FNDC3B: variants seen among roughly 807,000 people sequenced by gnomAD.
FNDC3B encodes fibronectin type III domain-containing protein 3B.
In FNDC3B, 12 loss-of-function variants were observed where a neutral mutation model predicts 151.5. The ratio of observed to expected loss-of-function variants is 0.08; its 90% confidence interval spans 0.05 to 0.13. The LOEUF is 0.13. Among genes scored for constraint, FNDC3B ranks in the 10% least tolerant of loss-of-function variants. The probability of loss-of-function intolerance (pLI) is 1.00; values close to 1 mark genes in which losing one functional copy is unlikely to be tolerated. For missense variants in FNDC3B, 1,214 were observed against 1,505.3 expected (o/e 0.81, Z 3.20); for synonymous variants, 528 against 549.0 (o/e 0.96, Z 0.54).
chr3:172,085,389 G>A (rs1718498089), intron 1 of FNDC3B, among the ~76,000 whole-genome samples: 1 of 152,094 alleles, frequency 6.6e-6, no homozygotes, highest in East Asian at 1.9e-4. Context: ...GGTTAGTGAA[G>A]GTCTTGAACT....
intron 2 of FNDC3B, among the ~76,000 whole-genome samples, chr3:172,128,926 C>G (rs191345822): frequency 1.1e-4 from 16 of 152,270 alleles, no homozygotes; most frequent in Admixed American, 8.5e-4. Context: ...AAAAATGCTG[C>G]AAGTGTACTA....
intron 6 of FNDC3B, among the ~76,000 whole-genome samples, chr3:172,270,317 C>T (rs1420793497): frequency 6.6e-6 from 1 of 152,152 alleles, no homozygotes; most frequent in African/African-American, 2.4e-5. Context: ...TTTATTAAAA[C>T]CCCCATGTTT....
At chr3:172,260,589 T>G (rs1427244097) in intron 6 of FNDC3B, among the ~76,000 whole-genome samples, 1 of 152,192 alleles carries the variant, frequency 6.6e-6, no homozygotes, top group East Asian at 1.9e-4. Flanking sequence ...TGTGGGCCAT[T>G]TTATTATAAC....
intron 3 of FNDC3B, among the ~76,000 whole-genome samples, chr3:172,202,542 C>T (rs1009922788): frequency 6.6e-6 from 1 of 152,152 alleles, no homozygotes; most frequent in African/African-American, 2.4e-5. Flanking sequence ...TCAACTAACA[C>T]CCCCTTGTAA....
chr3:172,130,636 A>G lies in FNDC3B; in HGVS notation c.112-2835A>G, dbSNP rs143209628. ...GAACTGTTACAGACACTTTTTGTGC[A>G]ATATGATAAGCAGATAATGTGACGA... On this transcript the variant is annotated intron_variant, in intron 2 of 25. Coordinates refer to ENST00000415807, the MANE Select transcript of FNDC3B (RefSeq NM_022763.4). Among the ~76,000 whole-genome samples the G allele has an allele frequency of 1.1e-4, 17 of 152,338 alleles. No homozygotes were observed. In the East Asian group the frequency reaches 3.3e-3, roughly 29 times the overall value.
rs765143559 is a variant in FNDC3B, at chr3:172,347,383, G to A, written c.2514+22G>A. On this transcript the variant is annotated intron_variant, in intron 21 of 25. Coordinates refer to ENST00000415807, the MANE Select transcript of FNDC3B (RefSeq NM_022763.4). ...ACAGGTAGGTTGACATTATTCAGAT[G>A]TTACTCACAAGGACTGCTGTCCCAT... 1.4e-5 allele frequency: 23 copies of A among 1,596,544 alleles called. No homozygotes were observed. In the African/African-American group the frequency reaches 1.6e-4, roughly 11 times the overall value.
chr3:172,235,467 GGTGA>G (rs1198445129), intron 4 of FNDC3B, among the ~76,000 whole-genome samples: 1 of 152,134 alleles, frequency 6.6e-6, no homozygotes, highest in East Asian at 1.9e-4. Flanking sequence ...TGCCCCTTTT[GGTGA>G]GTAATAGTAT....
chr3:172,095,767 C>A (rs971145751), intron 1 of FNDC3B, among the ~76,000 whole-genome samples: 2 of 148,086 alleles, frequency 1.4e-5, no homozygotes, highest in African/African-American at 5.0e-5. Context: ...GGTGTATGTT[C>A]TTCTAGACTC....
intron 7 of FNDC3B, among the ~76,000 whole-genome samples, chr3:172,288,910 A>G (rs1730167573): frequency 6.6e-6 from 1 of 152,200 alleles, no homozygotes; most frequent in African/African-American, 2.4e-5. Context: ...AAGGCATATC[A>G]GACAAGGGGA....
chr3:172,078,756 C>T (rs779298773), intron 1 of FNDC3B, among the ~76,000 whole-genome samples: 10 of 152,126 alleles, frequency 6.6e-5, no homozygotes, highest in African/African-American at 1.2e-4. Flanking sequence ...GCTTTCTGCC[C>T]GCTGCCACCC....
intron 11 of FNDC3B, among the ~76,000 whole-genome samples, chr3:172,322,056 C>G (rs1732112637): frequency 6.6e-6 from 1 of 152,198 alleles, no homozygotes; most frequent in African/African-American, 2.4e-5. Context: ...TATTGCATAA[C>G]AAATTACCCC....
At chr3:172,161,114 A>G (rs1256273121) in intron 3 of FNDC3B, among the ~76,000 whole-genome samples, 1 of 152,182 alleles carries the variant, frequency 6.6e-6, no homozygotes, top group Non-Finnish European at 1.5e-5. Context: ...TTCATTATTA[A>G]CTGTTATATA....
chr3:172,170,700 C>A (rs1723239077), intron 3 of FNDC3B, among the ~76,000 whole-genome samples: 1 of 152,130 alleles, frequency 6.6e-6, no homozygotes, highest in Non-Finnish European at 1.5e-5. Flanking sequence ...TGTTTCGACT[C>A]CTTTTGCGTG....
chr3:172,383,981 C>T (rs923445874), intron 25 of FNDC3B, among the ~76,000 whole-genome samples: 1 of 147,296 alleles, frequency 6.8e-6, no homozygotes, highest in African/African-American at 2.5e-5. Flanking sequence ...ATAAATGCCA[C>T]CTGTTCTCTG....
At chr3:172,095,238 G>C (rs1719041445) in intron 1 of FNDC3B, among the ~76,000 whole-genome samples, 1 of 152,148 alleles carries the variant, frequency 6.6e-6, no homozygotes, top group African/African-American at 2.4e-5. Flanking sequence ...AAAATACCAA[G>C]TTTTGATATT....
chr3:172,316,503 T>C (rs867929080), intron 11 of FNDC3B: 19 of 435,938 alleles, frequency 4.4e-5, no homozygotes, highest in Middle Eastern at 6.7e-4. Flanking sequence ...GATCGTGATC[T>C]GGCCTTATTC....
intron 3 of FNDC3B, among the ~76,000 whole-genome samples, chr3:172,203,864 G>A (rs762506679): frequency 6.6e-6 from 1 of 152,150 alleles, no homozygotes; most frequent in African/African-American, 2.4e-5. Context: ...TTTTGGGCCC[G>A]AATGTGATTG....
chr3:172,380,980 C>G lies in FNDC3B; in HGVS notation c.3190C>G (p.Gln1064Glu), dbSNP rs767530369. 3.7e-6 allele frequency: 6 copies of G among 1,613,402 alleles called. No homozygotes were observed. The highest frequency in any genetic ancestry group is 3.3e-5 in the South Asian group (3 of 91,074). ...PPTIKAPRVTQLEGNSCEILW... is the reference protein window; with the variant it reads ...PPTIKAPRVTELEGNSCEILW... ...TTGTATTTCAGCACCTCGAGTAACA[C>G]AGTTAGAAGGAAATTCATGTGAAAT... is the stretch of plus-strand genomic sequence containing the variant. Residue 1064 changes from glutamine (Q) to glutamate (E), a missense_variant, in exon 25 of 26, where the codon CAG becomes GAG. Gln to Glu is a conservative substitution (Grantham distance 29, BLOSUM62 2). This residue lies in a region of FNDC3B where 284 missense variants were observed against 392.4 expected (regional missense o/e 0.72). Transcript: ENST00000415807.
chr3:172,217,527 T>C (rs907607558), intron 3 of FNDC3B, among the ~76,000 whole-genome samples: 1 of 148,866 alleles, frequency 6.7e-6, no homozygotes, highest in African/African-American at 2.5e-5. Context: ...GTATGTGTTA[T>C]AAAATCTTCT....
Sources: gnomAD v4.1 joint callset for allele counts (sites outside exome capture counted in the v4.1 genomes callset) on GRCh38, gnomAD v4.1.1 for gene constraint, gnomAD v4.1.1 regional missense constraint, MANE v1.5 for transcripts, NCBI Gene and HGNC (gene_info 2026-07-23, HGNC 2026-07-21) for gene names.